The following MALRD1 variants were observed in gnomAD, a reference collection of about 807,000 sequenced individuals.
The protein encoded by MALRD1 is MAM and LDL receptor class A domain containing 1.
Under a neutral mutation model 242.1 loss-of-function variants are expected in MALRD1, and 247 were observed. The observed-to-expected ratio is 1.02, with a 90% CI of 0.92 to 1.13. The LOEUF is 1.13. Ranked by LOEUF, MALRD1 falls within the 50% of genes most tolerant of loss-of-function variation. The pLI is 0.00. For synonymous variants in MALRD1, 995 were observed against 866.6 expected (o/e 1.15, Z -2.60); for missense variants, 2,989 against 2,533.1 (o/e 1.18, Z -3.86).
At chr10:19,468,975 A>G (rs535919164) in intron 29 of MALRD1, among the ~76,000 whole-genome samples, 56 of 152,006 alleles carry the variant, frequency 3.7e-4, no homozygotes, top group African/African-American at 1.2e-3. Context: ...CTATCGTGAA[A>G]TGCATCAGTG....
intron 33 of MALRD1, among the ~76,000 whole-genome samples, chr10:19,570,529 G>A (rs1214942668): frequency 6.6e-6 from 1 of 152,022 alleles, no homozygotes; most frequent in African/African-American, 2.4e-5. Flanking sequence ...CCTGTGGTTT[G>A]TGGCACTATG....
intron 36 of MALRD1, among the ~76,000 whole-genome samples, chr10:19,641,039 A>G (rs1432032890): frequency 1.3e-5 from 2 of 152,230 alleles, no homozygotes; most frequent in African/African-American, 2.4e-5. Context: ...GTCCCTTGGC[A>G]GAAAAAGATA....
chr10:19,049,181 C>T (rs2131190029), intron 1 of MALRD1, 44 bp downstream of exon 1: 1 of 1,228,804 alleles, frequency 8.1e-7, no homozygotes, highest in South Asian at 4.1e-5. Flanking sequence ...CCCCGTACAG[C>T]CTGAAACGAG....
intron 14 of MALRD1, among the ~76,000 whole-genome samples, chr10:19,175,774 A>C (rs558175991): frequency 1.3e-5 from 2 of 152,182 alleles, no homozygotes; most frequent in East Asian, 3.9e-4. Flanking sequence ...GGCCAACCAA[A>C]ATTTAAAACT....
intron 5 of MALRD1, among the ~76,000 whole-genome samples, chr10:19,110,386 G>C (rs1353985396): frequency 6.6e-6 from 1 of 152,128 alleles, no homozygotes; most frequent in Admixed American, 6.6e-5. Context: ...TATTTTTAGT[G>C]CTCAGCATTT....
At chr10:19,516,726 C>G (rs1036540489) in intron 31 of MALRD1, among the ~76,000 whole-genome samples, 4 of 151,206 alleles carry the variant, frequency 2.6e-5, no homozygotes, top group Admixed American at 6.6e-5. Context: ...ACCTCCCTCC[C>G]TCCCTCTTCC....
At chr10:19,607,701 AT>A in intron 34 of MALRD1, 75 bp from the exon 35 acceptor site, 1 of 1,491,316 alleles carries the variant, frequency 6.7e-7, no homozygotes, top group Non-Finnish European at 9.0e-7. Flanking sequence ...GTTTTATGTT[AT>A]TTTGTTGTGA....
chr10:19,633,082 A>T (rs1000049095), intron 36 of MALRD1, among the ~76,000 whole-genome samples: 2 of 152,138 alleles, frequency 1.3e-5, no homozygotes, highest in Admixed American at 1.3e-4. Context: ...AGATACAAAA[A>T]TTAGCTGAGT....
intron 5 of MALRD1, among the ~76,000 whole-genome samples, chr10:19,110,780 TTA>T (rs1836650286): frequency 6.6e-6 from 1 of 152,134 alleles, no homozygotes; most frequent in East Asian, 1.9e-4. Context: ...TATCTCAATT[TTA>T]TAGTTTCTGC....
At chr10:19,474,795 T>G (rs1034834453) in intron 29 of MALRD1, among the ~76,000 whole-genome samples, 43 of 152,208 alleles carry the variant, frequency 2.8e-4, no homozygotes, top group African/African-American at 9.9e-4. Context: ...TTTGTCAACT[T>G]TATATATTTT....
intron 21 of MALRD1, among the ~76,000 whole-genome samples, chr10:19,298,228 C>T (rs919180337): frequency 3.3e-5 from 5 of 151,820 alleles, no homozygotes; most frequent in Admixed American, 3.3e-4. Context: ...TCATAACGAC[C>T]CACTAATCCC....
At chr10:19,157,123 A>G (rs903378109) in intron 12 of MALRD1, among the ~76,000 whole-genome samples, 35 of 142,124 alleles carry the variant, frequency 2.5e-4, no homozygotes, top group Admixed American at 4.7e-4. Flanking sequence ...AATGCTTTCC[A>G]GTTTAGGAAG....
intron 25 of MALRD1, among the ~76,000 whole-genome samples, chr10:19,351,697 G>T (rs2130996383): frequency 6.6e-6 from 1 of 152,216 alleles, no homozygotes; most frequent in East Asian, 1.9e-4. Context: ...CTTTGACAAT[G>T]GGCTCTAAGA....
At chr10:19,652,127 G>A (rs1840924790) in intron 36 of MALRD1, among the ~76,000 whole-genome samples, 1 of 152,208 alleles carries the variant, frequency 6.6e-6, no homozygotes. Context: ...TCAAAGTCCA[G>A]GATGAGAGCC....
intron 31 of MALRD1, among the ~76,000 whole-genome samples, chr10:19,503,897 A>G (rs888999543): frequency 1.1e-4 from 15 of 132,500 alleles, no homozygotes; most frequent in Non-Finnish European, 1.8e-4. Context: ...TTGTGCTGGG[A>G]ACAGAATATG....
At chr10:19,712,755 C>T (rs1448071885) in intron 38 of MALRD1, among the ~76,000 whole-genome samples, 2 of 152,068 alleles carry the variant, frequency 1.3e-5, no homozygotes, top group African/African-American at 4.8e-5. Flanking sequence ...AGTACCTGGA[C>T]CTTTCCAACT....
At chr10:19,654,712 T>C (rs1233588056) in intron 36 of MALRD1, among the ~76,000 whole-genome samples, 1 of 152,094 alleles carries the variant, frequency 6.6e-6, no homozygotes, top group Non-Finnish European at 1.5e-5. Context: ...TGTTGTTGAG[T>C]ACAGTAAAAT....
At chr10:19,144,321 T>G (rs887686188) in intron 10 of MALRD1, among the ~76,000 whole-genome samples, 1 of 152,166 alleles carries the variant, frequency 6.6e-6, no homozygotes, top group South Asian at 2.1e-4. Context: ...CCACTATTGG[T>G]TGAATCTGCA....
Position 19,280,073 on chromosome 10 carries a change from C to G in MALRD1, c.3106C>G (p.Pro1036Ala). The G allele has an allele frequency of 6.6e-7, 1 of 1,519,442 alleles. No homozygotes were observed. The highest frequency in any genetic ancestry group is 1.3e-5 in the South Asian group (1 of 78,358). The allele number at this position is 1,519,442 out of a possible 1,614,324, so 94.1% of individuals were successfully genotyped here. The stretch of plus-strand genomic sequence containing the variant: ...TAATTTGCCAGCAGACCTCCCAACT[C>G]CACCAGAAACGTCAGTTCCTGTAAC... ...PGNLPADLPT[P>A]PETSVPVTLP... The change falls in exon 20 of 40, where the codon CCA (proline) becomes GCA (alanine). Residue 1036 changes from proline to alanine, a missense_variant. Physicochemically the swap from Pro to Ala is conservative, Grantham distance 27. Coordinates refer to ENST00000454679, the MANE Select transcript of MALRD1 (RefSeq NM_001142308.3).
Sources: gnomAD v4.1 joint callset for allele counts (sites outside exome capture counted in the v4.1 genomes callset) on GRCh38, gnomAD v4.1.1 for gene constraint, MANE v1.5 for transcripts, NCBI Gene and HGNC (gene_info 2026-07-23, HGNC 2026-07-21) for gene names.